The following TBC1D14 variants were observed in gnomAD, a reference collection of about 807,000 sequenced individuals.
The protein encoded by TBC1D14 is TBC1 domain family member 14, also known as TBC1 domain family, member 14.
TBC1D14 carries 26 observed loss-of-function variants against 79.0 expected under a neutral mutation model. The ratio of observed to expected loss-of-function variants is 0.33; its 90% CI spans 0.24 to 0.46. The LOEUF (loss-of-function observed/expected upper bound fraction) is 0.46. Among genes scored for constraint, TBC1D14 ranks in the 20% least tolerant of loss-of-function variants. The pLI is 1.00. For missense variants in TBC1D14, 769 were observed against 887.6 expected (o/e 0.87, Z 1.70); for synonymous variants, 394 against 349.9 (o/e 1.13, Z -1.40).
intron 5 of TBC1D14, among the ~76,000 whole-genome samples, chr4:6,996,728 C>T (rs1047352789): frequency 5.3e-5 from 8 of 152,142 alleles, no homozygotes; most frequent in Admixed American, 1.3e-4. Context: ...CTGTCCCGGG[C>T]GGGCTGTAAA....
At chr4:6,997,581 G>A (rs995797911) in intron 5 of TBC1D14, among the ~76,000 whole-genome samples, 6 of 152,096 alleles carry the variant, frequency 3.9e-5, no homozygotes, top group Non-Finnish European at 5.9e-5. Flanking sequence ...AGCCGAGATC[G>A]TGCCACTGCA....
chr4:7,018,701 G>A lies in TBC1D14; in HGVS notation c.1757+4144G>A, dbSNP rs552950833. Among the ~76,000 whole-genome samples the A allele has an allele frequency of 8.5e-5, 13 of 152,332 alleles. No homozygotes were observed. In the South Asian group the frequency reaches 2.7e-3, roughly 32 times the overall value. On this transcript the variant is annotated intron_variant, in intron 12 of 13. Transcript: ENST00000409757. ...CCGCCTTCCTGGCCGTTCTTTAATT[G>A]TGGCTTGCCACTCCTCCCGATGAGG...
chr4:7,017,714 T>G (rs1296980380), intron 12 of TBC1D14, among the ~76,000 whole-genome samples: 3 of 152,214 alleles, frequency 2.0e-5, no homozygotes, highest in Non-Finnish European at 4.4e-5. Flanking sequence ...CTGACTGTGT[T>G]CTAGAATAAG....
Position 6,921,557 on chromosome 4 carries a change from G to A in TBC1D14, c.-17-1816G>A, listed in dbSNP as rs962243330. ...TTTTTATTTTTTGAAATGGAGCCTC[G>A]CCCTGTCGCCCAGGCTGGAGTGCAG... On this transcript the variant is annotated intron_variant, in intron 1 of 13. Transcript: ENST00000409757. Among the ~76,000 whole-genome samples the A allele has an allele frequency of 4.0e-5, 6 of 150,534 alleles. No homozygotes were observed. The East Asian group carries it at 7.8e-4, about 20-fold the overall frequency.
chr4:6,917,331 A>G (rs1723484989), intron 1 of TBC1D14, among the ~76,000 whole-genome samples: 1 of 152,234 alleles, frequency 6.6e-6, no homozygotes, highest in African/African-American at 2.4e-5. Flanking sequence ...GTCTGCCTGC[A>G]GCATAGAATG....
intron 2 of TBC1D14, among the ~76,000 whole-genome samples, chr4:6,947,466 C>T (rs1560270928): frequency 6.6e-6 from 1 of 150,722 alleles, no homozygotes; most frequent in Non-Finnish European, 1.5e-5. Context: ...CCACTGCACT[C>T]CAGCCTGGGC....
At chr4:7,007,782 T>G (rs1192701781) in intron 9 of TBC1D14, among the ~76,000 whole-genome samples, 1 of 152,214 alleles carries the variant, frequency 6.6e-6, no homozygotes, top group Admixed American at 6.5e-5. Flanking sequence ...CACTCCATGC[T>G]TTGCAGCCCC....
intron 1 of TBC1D14, among the ~76,000 whole-genome samples, chr4:6,913,540 G>C (rs1723162243): frequency 6.6e-6 from 1 of 152,172 alleles, no homozygotes; most frequent in Admixed American, 6.5e-5. Context: ...GTGACCTTGG[G>C]TGCGTGACTT....
chr4:6,993,934 G>T (rs1167319575), intron 3 of TBC1D14, among the ~76,000 whole-genome samples: 1 of 152,104 alleles, frequency 6.6e-6, no homozygotes, highest in African/African-American at 2.4e-5. Flanking sequence ...CGCTTGAACC[G>T]AGGAGGTGGA....
At chr4:6,929,902 C>G (rs543771651) in intron 2 of TBC1D14, among the ~76,000 whole-genome samples, 1 of 152,196 alleles carries the variant, frequency 6.6e-6, no homozygotes, top group African/African-American at 2.4e-5. Context: ...TGGAGACAGA[C>G]TCAGAAAGGC....
At chr4:6,992,008 T>C (rs1371600332) in intron 3 of TBC1D14, among the ~76,000 whole-genome samples, 1 of 152,176 alleles carries the variant, frequency 6.6e-6, no homozygotes, top group Non-Finnish European at 1.5e-5. Context: ...TTTTCTGCCT[T>C]TCCCGTGGTT....
At chr4:6,932,635 T>A (rs963858164) in intron 2 of TBC1D14, among the ~76,000 whole-genome samples, 30 of 152,278 alleles carry the variant, frequency 2.0e-4, no homozygotes, top group African/African-American at 7.0e-4. Flanking sequence ...CTTTTCGAGA[T>A]GGGGTCTTGC....
At chr4:6,910,820 G>A (rs545717127) in intron 1 of TBC1D14, among the ~76,000 whole-genome samples, 2 of 152,318 alleles carry the variant, frequency 1.3e-5, no homozygotes, top group East Asian at 3.9e-4. Context: ...GCGTGGAATT[G>A]GAAGCTTTGC....
At position 6,923,639 on chromosome 4, in the gene TBC1D14, G is replaced by A. The variant is rs1230006059; in HGVS notation, c.250G>A (p.Val84Ile). The change falls in exon 2 of 14, where the codon GTC (valine) becomes ATC (isoleucine). Residue 84 changes from valine to isoleucine, a missense_variant. Physicochemically the swap from Val to Ile is conservative, Grantham distance 29 (BLOSUM62 3). Around this residue, in one of 2 missense-constraint regions of TBC1D14, gnomAD observed 402 missense variants for 393.2 expected, o/e 1.02. Transcript: ENST00000409757. ...GNPEPVPCSAVHVRRKQSDSD... is the reference protein window; with the variant it reads ...GNPEPVPCSAIHVRRKQSDSD... ...CCCGGAGCCTGTACCCTGCAGCGCG[G>A]TCCACGTGAGGAGGAAGCAGTCCGA... 1 of 1,613,946 alleles carries A rather than the reference G, an allele frequency of 6.2e-7. No individual in the cohort carries two copies. Among genetic ancestry groups the A allele is most frequent in the Non-Finnish European group, 8.5e-7 (1 of 1,180,026 alleles).
At chr4:6,929,600 C>T (rs573598466) in intron 2 of TBC1D14, among the ~76,000 whole-genome samples, 110 of 152,134 alleles carry the variant, frequency 7.2e-4, no homozygotes, top group African/African-American at 2.5e-3. Flanking sequence ...TAGCATGAGG[C>T]GCTCAGGAGG....
Position 6,977,998 on chromosome 4 carries a change from C to T in TBC1D14, c.843+10574C>T, listed in dbSNP as rs1167618830. ...CCGTCTGAGAAGTGAGGAGCCCCTC[C>T]GCCCGGCAGCCACTCCGTCTGGGAC... On this transcript the variant is annotated intron_variant, in intron 3 of 13. Transcript: ENST00000409757. Among the ~76,000 whole-genome samples, 25 of 148,324 alleles carry T rather than the reference C, an allele frequency of 1.7e-4. No homozygotes were observed. In the East Asian group the frequency reaches 3.9e-3, roughly 23 times the overall value.
At chr4:6,980,697 A>G (rs568175377) in intron 3 of TBC1D14, among the ~76,000 whole-genome samples, 2 of 152,268 alleles carry the variant, frequency 1.3e-5, no homozygotes, top group African/African-American at 4.8e-5. Context: ...AAATAAGACA[A>G]TAGAATGTTA....
intron 2 of TBC1D14, among the ~76,000 whole-genome samples, chr4:6,940,722 A>G (rs1269252707): frequency 1.3e-5 from 2 of 152,164 alleles, no homozygotes; most frequent in Non-Finnish European, 2.9e-5. Flanking sequence ...GCAGTCATAG[A>G]GCCAAAGATC....
At chr4:6,934,301 C>T (rs1712086137) in intron 2 of TBC1D14, among the ~76,000 whole-genome samples, 1 of 151,468 alleles carries the variant, frequency 6.6e-6, no homozygotes. Context: ...TGGGAGGGCA[C>T]GAGTGTGGGG....
Sources: allele counts gnomAD v4.1 joint callset (sites outside exome capture counted in the v4.1 genomes callset), GRCh38; gene constraint gnomAD v4.1.1; regional missense constraint gnomAD v4.1.1; transcripts MANE v1.5; gene names NCBI Gene and HGNC (gene_info 2026-07-23, HGNC 2026-07-21).